The following DENND1B variants were observed in gnomAD, a reference collection of about 807,000 sequenced individuals.
DENND1B encodes DENN domain-containing protein 1B.
DENND1B carries 59 observed loss-of-function variants against 90.1 expected under a neutral mutation model. The observed-to-expected ratio is 0.65, with a 90% CI of 0.53 to 0.81. DENND1B has a LOEUF of 0.81. Ranked by LOEUF, DENND1B falls within the 40% of genes least tolerant of loss-of-function variation. The probability of loss-of-function intolerance (pLI) is 0.00; values close to 1 mark genes in which losing one functional copy is unlikely to be tolerated. For synonymous variants in DENND1B, 337 were observed against 324.6 expected, an observed-to-expected ratio of 1.04 and a Z score of -0.41; for missense variants, 862 against 912.6, an observed-to-expected ratio of 0.94 and a Z score of 0.71.
At chr1:197,683,739 T>A (rs1656934549) in intron 3 of DENND1B, among the ~76,000 whole-genome samples, 1 of 152,222 alleles carries the variant, frequency 6.6e-6, no homozygotes, top group African/African-American at 2.4e-5. Context: ...ATGAAATCAC[T>A]AAATTTTCTC....
At chr1:197,746,357 C>T (rs1181876114) in intron 2 of DENND1B, among the ~76,000 whole-genome samples, 3 of 151,988 alleles carry the variant, frequency 2.0e-5, no homozygotes, top group Non-Finnish European at 2.9e-5. Context: ...ATCATGCTAC[C>T]GCACTCTAGC....
intron 5 of DENND1B, among the ~76,000 whole-genome samples, chr1:197,659,072 T>C (rs972898036): frequency 3.3e-5 from 5 of 151,248 alleles, no homozygotes; most frequent in Admixed American, 2.0e-4. Context: ...AATGTTAAAC[T>C]GTACACTTTT....
intron 15 of DENND1B, among the ~76,000 whole-genome samples, chr1:197,563,281 C>T (rs1571887837): frequency 2.6e-5 from 4 of 152,102 alleles, no homozygotes; most frequent in Middle Eastern, 3.4e-3. Flanking sequence ...AAGTCAATGC[C>T]TGGCTTCAAG....
At chr1:197,723,636 T>C (rs1051236455) in intron 2 of DENND1B, among the ~76,000 whole-genome samples, 5 of 152,314 alleles carry the variant, frequency 3.3e-5, no homozygotes, top group African/African-American at 1.2e-4. Context: ...TGTAGAAAGA[T>C]GATCTGTCAT....
At chr1:197,516,017 A>G (rs1327194609) in intron 20 of DENND1B, among the ~76,000 whole-genome samples, 5 of 151,780 alleles carry the variant, frequency 3.3e-5, no homozygotes, top group Non-Finnish European at 7.4e-5. Context: ...ACAATCAAAC[A>G]TCTACGTCAT....
intron 10 of DENND1B, 37 bp downstream of exon 10, chr1:197,642,674 C>G (rs1412789600): frequency 1.3e-6 from 2 of 1,485,440 alleles, no homozygotes; most frequent in South Asian, 1.2e-5. Flanking sequence ...GTGAAACACT[C>G]AATACCTGCT....
chr1:197,734,177 A>G (rs2102331312), intron 2 of DENND1B: 1 of 882,018 alleles, frequency 1.1e-6, no homozygotes, highest in South Asian at 5.2e-5. Context: ...ACAGAAGAGA[A>G]ACAGTAAACT....
At chr1:197,747,302 T>C (rs1416578744) in intron 2 of DENND1B, 2 of 599,204 alleles carry the variant, frequency 3.3e-6, no homozygotes, top group Non-Finnish European at 6.2e-6. Flanking sequence ...GGTTCATCTA[T>C]CGAGAATCTA....
chr1:197,680,717 T>C (rs959777815), intron 3 of DENND1B, among the ~76,000 whole-genome samples: 2 of 152,164 alleles, frequency 1.3e-5, no homozygotes, highest in African/African-American at 2.4e-5. Flanking sequence ...TATTCACATG[T>C]ACACAAGCAC....
At chr1:197,565,567 C>T (rs1331672695) in intron 15 of DENND1B, among the ~76,000 whole-genome samples, 2 of 151,208 alleles carry the variant, frequency 1.3e-5, no homozygotes, top group Non-Finnish European at 2.9e-5. Flanking sequence ...CATACAAGTG[C>T]CATGCTGGTG....
chr1:197,763,103 G>A (rs1655295288), intron 2 of DENND1B, among the ~76,000 whole-genome samples: 1 of 152,044 alleles, frequency 6.6e-6, no homozygotes, highest in African/African-American at 2.4e-5. Context: ...TTGAGGTCAG[G>A]AGCTCAAGAC....
intron 13 of DENND1B, among the ~76,000 whole-genome samples, chr1:197,595,584 A>G (rs1342548940): frequency 6.6e-6 from 1 of 152,118 alleles, no homozygotes; most frequent in East Asian, 1.9e-4. Context: ...CTTGACATAA[A>G]TAAGCTTTAA....
At chr1:197,522,749 C>T (rs927414158) in intron 20 of DENND1B, among the ~76,000 whole-genome samples, 4 of 152,024 alleles carry the variant, frequency 2.6e-5, no homozygotes, top group African/African-American at 9.7e-5. Flanking sequence ...ACCTGTGTTG[C>T]AAGTCAACCA....
intron 3 of DENND1B, 130 bp from the exon 4 acceptor site, chr1:197,674,299 T>C (rs999902896): frequency 3.2e-5 from 21 of 654,160 alleles, no homozygotes; most frequent in Non-Finnish European, 5.3e-5. Flanking sequence ...TAGCACAGGT[T>C]CCTAGACTAA....
chr1:197,647,919 C>T (rs1407865468), intron 7 of DENND1B, among the ~76,000 whole-genome samples: 1 of 148,512 alleles, frequency 6.7e-6, no homozygotes, highest in South Asian at 2.1e-4. Flanking sequence ...TGTTTTCCAA[C>T]CTGGGCAACA....
chr1:197,750,579 T>TA (rs1249665009), intron 2 of DENND1B, among the ~76,000 whole-genome samples: 1 of 105,242 alleles, frequency 9.5e-6, no homozygotes, highest in Non-Finnish European at 2.4e-5. Context: ...CCTAGATAGA[T>TA]AGATAGATAG....
intron 2 of DENND1B, among the ~76,000 whole-genome samples, chr1:197,743,950 A>C (rs1663455552): frequency 6.6e-6 from 1 of 152,210 alleles, no homozygotes; most frequent in African/African-American, 2.4e-5. Flanking sequence ...CATCTTAAGA[A>C]ATCACATTCT....
At chr1:197,741,239 T>C (rs577492060) in intron 2 of DENND1B, among the ~76,000 whole-genome samples, 35 of 152,156 alleles carry the variant, frequency 2.3e-4, no homozygotes, top group Admixed American at 3.9e-4. Context: ...GCAGTAGTAC[T>C]TCTGACATAT....
In DENND1B at chr1:197,677,477, G is replaced by A. The variant is rs1405664353; in HGVS notation, c.127-3308C>T. Reference sequence around the variant, plus strand: ...CCTAGTTACCCAAATCAGAAACACGGTAGTTACCATGACCCCTCCTTTTCC... The same window carrying A: ...CCTAGTTACCCAAATCAGAAACACGATAGTTACCATGACCCCTCCTTTTCC... On this transcript the variant is annotated intron_variant, in intron 3 of 22. Coordinates refer to ENST00000620048, the MANE Select transcript of DENND1B (RefSeq NM_001195215.2). Among the ~76,000 whole-genome samples, 6 of 152,216 alleles carry A rather than the reference G, an allele frequency of 3.9e-5. No homozygotes were observed. The East Asian group carries it at 1.2e-3, about 29-fold the overall frequency.
Sources: allele counts gnomAD v4.1 joint callset (sites outside exome capture counted in the v4.1 genomes callset), GRCh38; gene constraint gnomAD v4.1.1; transcripts MANE v1.5; gene names NCBI Gene and HGNC (gene_info 2026-07-23, HGNC 2026-07-21).